Variants in TNRC6B observed in about 807,000 individuals in gnomAD.
TNRC6B encodes the protein trinucleotide repeat containing adaptor 6B.
TNRC6B carries 52 observed loss-of-function variants against 203.6 expected under a neutral mutation model. The observed-to-expected ratio is 0.26, with a 90% confidence interval of 0.20 to 0.32. The LOEUF (loss-of-function observed/expected upper bound fraction) is 0.32. TNRC6B is among the 10% of genes least tolerant of loss of function. The pLI is 1.00. For synonymous variants in TNRC6B, 838 were observed against 845.7 expected, an observed-to-expected ratio of 0.99 and a Z score of 0.16; for missense variants, 1,923 against 2,286.2, an observed-to-expected ratio of 0.84 and a Z score of 3.24.
intron 20 of TNRC6B, 49 bp downstream of exon 20, chr22:40,315,556 T>A: frequency 6.3e-7 from 1 of 1,579,972 alleles, no homozygotes; most frequent in South Asian, 1.1e-5. Context: ...CACAAGGGGC[T>A]TATGTTAACA....
chr22:40,194,748 T>G (rs1285776721), intron 1 of TNRC6B, among the ~76,000 whole-genome samples: 1 of 152,204 alleles, frequency 6.6e-6, no homozygotes, highest in African/African-American at 2.4e-5. Flanking sequence ...TGTGTTTACT[T>G]GTCCTCCCCC....
chr22:40,067,564 G>C (rs2067906288), intron 1 of TNRC6B, among the ~76,000 whole-genome samples: 1 of 152,154 alleles, frequency 6.6e-6, no homozygotes, highest in Admixed American at 6.5e-5. Context: ...CCCAAGTTGA[G>C]AGGCTTAAGA....
chr22:40,187,957 C>T (rs928025050), intron 1 of TNRC6B, among the ~76,000 whole-genome samples: 1 of 152,140 alleles, frequency 6.6e-6, no homozygotes, highest in African/African-American at 2.4e-5. Context: ...CGGTGGCTCA[C>T]GCCTGTAGTC....
At chr22:40,155,816 GC>G (rs1170986868) in intron 3 of TNRC6B, among the ~76,000 whole-genome samples, 1 of 152,156 alleles carries the variant, frequency 6.6e-6, no homozygotes, top group African/African-American at 2.4e-5. Context: ...TGAAATTCCT[GC>G]TTGGTTATTT....
chr22:40,054,084 G>A (rs577255857), intron 1 of TNRC6B, among the ~76,000 whole-genome samples: 2 of 152,268 alleles, frequency 1.3e-5, no homozygotes, highest in East Asian at 3.9e-4. Context: ...GGGCGTGGTG[G>A]TGCCTGCCTG....
chr22:40,114,083 C>T (rs1362415565), intron 1 of TNRC6B, among the ~76,000 whole-genome samples: 2 of 152,054 alleles, frequency 1.3e-5, no homozygotes, highest in African/African-American at 2.4e-5. Flanking sequence ...AAGAGCCTCT[C>T]TATACTGCTT....
intron 1 of TNRC6B, among the ~76,000 whole-genome samples, chr22:40,082,744 G>A (rs918170194): frequency 2.0e-5 from 3 of 152,218 alleles, no homozygotes; most frequent in African/African-American, 7.2e-5. Context: ...CATTTGGGAT[G>A]TATTTTGGAG....
chr22:40,151,560 G>A lies in TNRC6B; in HGVS notation c.46-4555G>A, dbSNP rs6001805. ...CTCAAAAAAAAAAAAAAAGAAAAAA[G>A]AAAAAAACTAAAACAAAAACTCTCT... is the stretch of plus-strand genomic sequence containing the variant. On this transcript the variant is annotated intron_variant, in intron 3 of 23. Coordinates refer to the TNRC6B transcript ENST00000301923. 4.5e-4 allele frequency among the ~76,000 whole-genome samples: 63 copies of A among 140,178 alleles called. 4 individuals are homozygous for A. The highest frequency in any genetic ancestry group is 5.8e-4 in the African/African-American group (22 of 37,826). 92.0% of individuals were successfully genotyped at this position (140,178 alleles called of 152,430 possible).
chr22:40,327,678 C>G lies in TNRC6B; in HGVS notation c.*4437C>G, dbSNP rs533641880. ...GAGCTCTTTCCGTGGTATTCTTTGG[C>G]AAGAGCCATGTCTACTAAGAGGTTA... On this transcript the variant is annotated 3_prime_UTR_variant, in exon 23 of 23. Transcript: ENST00000454349. 7 of 152,292 alleles carry G rather than the reference C, an allele frequency of 4.6e-5. No homozygotes were observed. The highest frequency in any genetic ancestry group is 1.7e-4 in the African/African-American group (7 of 41,544). 9.4% of individuals were successfully genotyped at this position (152,292 alleles called of 1,614,324 possible). A position where few individuals can be genotyped will look rare whatever the true frequency, so the allele number is the denominator to read the frequency against.
At chr22:40,081,799 A>C (rs1267281819) in intron 1 of TNRC6B, among the ~76,000 whole-genome samples, 1 of 152,124 alleles carries the variant, frequency 6.6e-6, no homozygotes, top group Non-Finnish European at 1.5e-5. Context: ...AAGACTTTGG[A>C]TAAGACTTTC....
At chr22:40,194,945 G>A (rs1310458445) in intron 1 of TNRC6B, among the ~76,000 whole-genome samples, 1 of 152,208 alleles carries the variant, frequency 6.6e-6, no homozygotes, top group Admixed American at 6.5e-5. Flanking sequence ...TCAGGGTCTA[G>A]GCCCTTTGTA....
rs999288160 is a variant in TNRC6B at position 40,331,149 on chromosome 22, A to T, written c.*7908A>T. On this transcript the variant is annotated 3_prime_UTR_variant, in exon 23 of 23. Transcript: ENST00000454349. ...TTCTGCCGTGTGCAGAGCGGGCAGCACGCTTTTACCCTTTGAGTCTGTGTC... is the reference window on the plus strand; with the variant it reads ...TTCTGCCGTGTGCAGAGCGGGCAGCTCGCTTTTACCCTTTGAGTCTGTGTC... 1 of 152,660 alleles carries T rather than the reference A, an allele frequency of 6.6e-6. No individual in the cohort carries two copies. Among genetic ancestry groups the T allele is most frequent in the African/African-American group, 2.4e-5 (1 of 41,442 alleles). 9.5% of individuals were successfully genotyped at this position (152,660 alleles called of 1,614,324 possible). A position where few individuals can be genotyped will look rare whatever the true frequency, so the allele number is the denominator to read the frequency against.
intron 1 of TNRC6B, among the ~76,000 whole-genome samples, chr22:40,193,716 T>C (rs896823041): frequency 1.3e-5 from 2 of 152,036 alleles, no homozygotes; most frequent in Middle Eastern, 3.2e-3. Flanking sequence ...AAAGTAAATA[T>C]GGAAATGGAG....
chr22:40,143,721 C>CT (rs1423816867), intron 3 of TNRC6B, among the ~76,000 whole-genome samples: 1 of 152,222 alleles, frequency 6.6e-6, no homozygotes, highest in Non-Finnish European at 1.5e-5. Flanking sequence ...TGGTCTCGAT[C>CT]TCCTGACCTC....
At chr22:40,185,893 A>G (rs956432516) in intron 1 of TNRC6B, among the ~76,000 whole-genome samples, 1 of 152,202 alleles carries the variant, frequency 6.6e-6, no homozygotes, top group African/African-American at 2.4e-5. Flanking sequence ...CAGGTTTTTA[A>G]GGTGAATGAT....
rs192577150 is a variant in TNRC6B, at chr22:40,331,826, C to A, written c.*8585C>A. 6 of 366,246 alleles carry A rather than the reference C, an allele frequency of 1.6e-5. No homozygotes were observed. In the East Asian group the frequency reaches 2.2e-4, roughly 14 times the overall value. 22.7% of individuals were successfully genotyped at this position (366,246 alleles called of 1,614,324 possible). On this transcript the variant is annotated 3_prime_UTR_variant, in exon 23 of 23. Transcript: ENST00000454349. ...TCTTCAGTTTCTGTGTCCATGGTGT[C>A]CCCGTGTCCTGGAGGGGAAGGGGAG...
At chr22:40,274,781 T>C (rs991798300) in intron 7 of TNRC6B, among the ~76,000 whole-genome samples, 3 of 152,196 alleles carry the variant, frequency 2.0e-5, no homozygotes, top group South Asian at 2.1e-4. Flanking sequence ...TTTCACCTTC[T>C]GTGTGAAAGT....
At chr22:40,174,310 G>A (rs751075491), upstream of TNRC6B, among the ~76,000 whole-genome samples, 4 of 152,002 alleles carry the variant, frequency 2.6e-5, no homozygotes, top group Non-Finnish European at 2.9e-5. Context: ...CTGCTGAGTA[G>A]TTGGGACTAC....
intron 3 of TNRC6B, among the ~76,000 whole-genome samples, chr22:40,255,690 T>TA (rs1273350243): frequency 1.6e-4 from 25 of 152,336 alleles, no homozygotes; most frequent in African/African-American, 5.8e-4. Flanking sequence ...GCCAGGTGTT[T>TA]AAACCTTCCT....
Sources: gnomAD v4.1 joint callset for allele counts (sites outside exome capture counted in the v4.1 genomes callset) on GRCh38, gnomAD v4.1.1 for gene constraint, MANE v1.5 for transcripts, NCBI Gene and HGNC (gene_info 2026-07-23, HGNC 2026-07-21) for gene names.